Variants in KANK4 observed in about 807,000 individuals in gnomAD.
KANK4 encodes KN motif and ankyrin repeat domains 4.
In KANK4, 50 loss-of-function variants were observed where a neutral mutation model predicts 80.8. The observed-to-expected ratio is 0.62, with a 90% CI of 0.49 to 0.78. The LOEUF (loss-of-function observed/expected upper bound fraction) is 0.78. Among genes scored for constraint, KANK4 ranks in the 30% least tolerant of loss-of-function variants. The pLI is 0.00. For missense variants in KANK4, 1,196 were observed against 1,240.1 expected (o/e 0.96, Z 0.53); for synonymous variants, 465 against 506.9 (o/e 0.92, Z 1.11).
chr1:62,272,106 CG>C (rs1309693127), intron 3 of KANK4: 1 of 152,948 alleles, frequency 6.5e-6, no homozygotes, highest in Non-Finnish European at 1.5e-5. Context: ...CGGCTCCCAA[CG>C]GGGAAGGCTA....
At chr1:62,276,029 A>G (rs1013766123) in intron 2 of KANK4, among the ~76,000 whole-genome samples, 2 of 151,972 alleles carry the variant, frequency 1.3e-5, no homozygotes, top group Admixed American at 6.6e-5. Flanking sequence ...GGACATTGGT[A>G]TCCATCCTCC....
intron 2 of KANK4, among the ~76,000 whole-genome samples, chr1:62,275,674 A>G (rs569303486): frequency 3.9e-5 from 6 of 152,330 alleles, no homozygotes; most frequent in African/African-American, 1.4e-4. Flanking sequence ...GTATGCACAG[A>G]TCAGAGAGAG....
chr1:62,263,897 C>T (rs905173559), intron 6 of KANK4, among the ~76,000 whole-genome samples: 11 of 152,194 alleles, frequency 7.2e-5, no homozygotes, highest in African/African-American at 1.9e-4. Flanking sequence ...TAAGAACCCA[C>T]GGCAGGACCC....
intron 1 of KANK4, among the ~76,000 whole-genome samples, chr1:62,301,322 G>A (rs1415629999): frequency 6.6e-6 from 1 of 152,078 alleles, no homozygotes; most frequent in Non-Finnish European, 1.5e-5. Flanking sequence ...GCATTGCACA[G>A]CAGGGACCTG....
At position 62,263,102 on chromosome 1, in the gene KANK4, C is replaced by A; in HGVS notation, c.2529G>T (p.Leu843=). Residue 843 remains leucine, a synonymous_variant, in exon 7 of 10, where the codon CTG becomes CTT. Coordinates refer to ENST00000371153, the MANE Select transcript of KANK4 (RefSeq NM_181712.5). ...SHSNFSIVKL[L]LETGVCNVDH... ...GCAACCACTTCTGACCTGTCTCCAG[C>A]AGCAGCTTCACGATGGAGAAGTTGG... 1 of 1,612,134 alleles carries A rather than the reference C, an allele frequency of 6.2e-7. No homozygotes were observed. The highest frequency in any genetic ancestry group is 8.5e-7 in the Non-Finnish European group (1 of 1,178,736).
chr1:62,271,099 A>G (rs2666503), intron 4 of KANK4, among the ~76,000 whole-genome samples: 114,953 of 152,078 alleles, frequency 0.76, 43,961 homozygotes, highest in African/African-American at 0.86. Context: ...GAAGTTAAAG[A>G]AAGAAAAAAA....
At chr1:62,269,805 G>C (rs745912779) in intron 4 of KANK4, among the ~76,000 whole-genome samples, 1 of 152,148 alleles carries the variant, frequency 6.6e-6, no homozygotes, top group South Asian at 2.1e-4. Flanking sequence ...AAAGAGCCAT[G>C]GGATAGAAGG....
chr1:62,311,416 A>C (rs573101505), intron 1 of KANK4, among the ~76,000 whole-genome samples: 11 of 152,254 alleles, frequency 7.2e-5, no homozygotes, highest in Middle Eastern at 3.4e-3. Flanking sequence ...GCAAAAAAAA[A>C]CACAACCACT....
chr1:62,273,614 G>A lies in KANK4; in HGVS notation c.1490C>T (p.Thr497Ile). The A allele has an allele frequency of 2.5e-6, 4 of 1,614,138 alleles. No homozygotes were observed. Among genetic ancestry groups the A allele is most frequent in the Non-Finnish European group, 3.4e-6 (4 of 1,180,020 alleles). The change falls in exon 3 of 10, where the codon ACT becomes ATT. Residue 497 changes from threonine to isoleucine, a missense_variant. Around this residue, in one of 3 missense-constraint regions of KANK4, gnomAD observed 1,154 missense variants for 1,179.6 expected, o/e 0.98. Transcript: ENST00000371153. Reference sequence around the variant, plus strand: ...GCCTGCTTCTTCAATCCTGAGTTCAGTGGAGAGGAAGCTATGTACAGAGGA... The same window carrying A: ...GCCTGCTTCTTCAATCCTGAGTTCAATGGAGAGGAAGCTATGTACAGAGGA... Reference protein sequence around the residue: ...LTSSVHSFLSTELRIEEAGTE... With the variant: ...LTSSVHSFLSIELRIEEAGTE...
At chr1:62,297,440 G>T (rs1048230381) in intron 1 of KANK4, among the ~76,000 whole-genome samples, 6 of 152,138 alleles carry the variant, frequency 3.9e-5, no homozygotes, top group Non-Finnish European at 7.4e-5. Flanking sequence ...GGCAGGACTG[G>T]AATTCAAATT....
intron 6 of KANK4, among the ~76,000 whole-genome samples, chr1:62,265,542 C>T (rs1424840171): frequency 6.6e-6 from 1 of 152,120 alleles, no homozygotes; most frequent in African/African-American, 2.4e-5. Flanking sequence ...GGCCCTGGCC[C>T]TACATATTGG....
chr1:62,246,610 T>G lies in KANK4; in HGVS notation c.2883+862A>C, dbSNP rs111498286. ...ATCTCATTTATTTATTTATTCAAAT[T>G]TGTTAGAGACAGGGTCTCACTCTGT... On this transcript the variant is annotated intron_variant, in intron 9 of 9. Coordinates refer to ENST00000371153, the MANE Select transcript of KANK4 (RefSeq NM_181712.5). Among the ~76,000 whole-genome samples the G allele has an allele frequency of 7.8e-3, 1,195 of 152,238 alleles. 9 individuals carry two copies. Among genetic ancestry groups the G allele is most frequent in the African/African-American group, 0.024 (994 of 41,540 alleles).
intron 1 of KANK4, among the ~76,000 whole-genome samples, chr1:62,286,494 G>C (rs971294226): frequency 2.6e-5 from 4 of 152,228 alleles, no homozygotes; most frequent in African/African-American, 4.8e-5. Context: ...TCCTTAACTA[G>C]AAAGTTAGTT....
chr1:62,272,219 C>T (rs550318286), intron 3 of KANK4: 2 of 152,924 alleles, frequency 1.3e-5, no homozygotes, highest in East Asian at 1.9e-4. Context: ...CCACTTTACC[C>T]GACAGTGAAG....
chr1:62,317,898 G>C (rs138920428), intron 1 of KANK4, among the ~76,000 whole-genome samples: 1 of 152,278 alleles, frequency 6.6e-6, no homozygotes, highest in African/African-American at 2.4e-5. Flanking sequence ...TTTGTTGATT[G>C]AATCAGTCTG....
Position 62,274,487 on chromosome 1 carries a change from G to C in KANK4, c.617C>G (p.Pro206Arg), listed in dbSNP as rs1672257233. The C allele has an allele frequency of 6.2e-7, 1 of 1,614,236 alleles. No individual in the cohort carries two copies. The highest frequency in any genetic ancestry group is 8.5e-7 in the Non-Finnish European group (1 of 1,180,038). The change falls in exon 3 of 10, where the codon CCT becomes CGT. Residue 206 changes from proline to arginine, a missense_variant. Pro to Arg is a moderately radical substitution (Grantham distance 103). This residue lies in a region of KANK4 where 1,154 missense variants were observed against 1,179.6 expected (regional missense o/e 0.98). Coordinates refer to ENST00000371153, the MANE Select transcript of KANK4 (RefSeq NM_181712.5). ...EGSVCDGTFE[P>R]AEGLAGFHSS... The stretch of plus-strand genomic sequence containing the variant: ...GTGGAAACCTGCCAATCCTTCTGCA[G>C]GTTCAAAGGTGCCATCACAGACACT...
At chr1:62,293,325 T>C (rs1399000904) in intron 1 of KANK4, among the ~76,000 whole-genome samples, 1 of 151,884 alleles carries the variant, frequency 6.6e-6, no homozygotes. Flanking sequence ...GAACTCCTGA[T>C]CTCAGATGAT....
At chr1:62,279,473 G>A (rs934534996) in intron 2 of KANK4, among the ~76,000 whole-genome samples, 4 of 152,194 alleles carry the variant, frequency 2.6e-5, no homozygotes, top group Non-Finnish European at 5.9e-5. Flanking sequence ...ACCTGACTCT[G>A]TTCAAAATGA....
chr1:62,243,249 C>T (rs1259824727), intron 9 of KANK4, among the ~76,000 whole-genome samples: 1 of 152,194 alleles, frequency 6.6e-6, no homozygotes, highest in Non-Finnish European at 1.5e-5. Flanking sequence ...CAGCACTTCC[C>T]CGGGATTAGC....
Sources: allele counts gnomAD v4.1 joint callset (sites outside exome capture counted in the v4.1 genomes callset), GRCh38; gene constraint gnomAD v4.1.1; regional missense constraint gnomAD v4.1.1; transcripts MANE v1.5; gene names NCBI Gene and HGNC (gene_info 2026-07-23, HGNC 2026-07-21).